Variants in TMEM131 observed in about 807,000 individuals in gnomAD.
TMEM131 encodes the protein transmembrane protein 131.
Under a neutral mutation model 211.6 loss-of-function variants are expected in TMEM131, and 66 were observed. The observed-to-expected ratio is 0.31, with a 90% CI of 0.26 to 0.38. The LOEUF (loss-of-function observed/expected upper bound fraction) is 0.38, where lower values mean the gene tolerates loss of function less well. Among genes scored for constraint, TMEM131 ranks in the 10% least tolerant of loss-of-function variants. The pLI is 1.00. For synonymous variants in TMEM131, 844 were observed against 841.3 expected (o/e 1.00, Z -0.06); for missense variants, 2,036 against 2,299.3 (o/e 0.89, Z 2.34).
chr2:97,880,972 C>T (rs1300842756), intron 4 of TMEM131, among the ~76,000 whole-genome samples: 3 of 152,140 alleles, frequency 2.0e-5, no homozygotes, highest in Non-Finnish European at 4.4e-5. Flanking sequence ...GTGCCAGGTG[C>T]CATGCACTCT....
At chr2:97,827,354 CG>C in intron 11 of TMEM131, 1 of 836,576 alleles carries the variant, frequency 1.2e-6, no homozygotes, top group East Asian at 2.4e-5. Context: ...GAAGCAAAGC[CG>C]AAAAAGGCAG....
intron 11 of TMEM131, among the ~76,000 whole-genome samples, chr2:97,822,560 C>A (rs1010647321): frequency 6.6e-6 from 1 of 152,102 alleles, no homozygotes; most frequent in Non-Finnish European, 1.5e-5. Context: ...TCGGTAAGGG[C>A]CACTAAATCT....
At chr2:97,803,006 T>C (rs984368811) in intron 22 of TMEM131, among the ~76,000 whole-genome samples, 3 of 152,236 alleles carry the variant, frequency 2.0e-5, no homozygotes, top group African/African-American at 7.2e-5. Context: ...ATCCTCTGTT[T>C]CTGTACTGAA....
intron 1 of TMEM131, among the ~76,000 whole-genome samples, chr2:97,990,876 C>T (rs1322670349): frequency 6.6e-6 from 1 of 152,118 alleles, no homozygotes; most frequent in Non-Finnish European, 1.5e-5. Flanking sequence ...AAAATTTGTG[C>T]ATGAAACTAT....
intron 3 of TMEM131, among the ~76,000 whole-genome samples, chr2:97,888,930 CTACTT>C (rs1270980916): frequency 2.0e-5 from 3 of 152,076 alleles, no homozygotes; most frequent in Non-Finnish European, 2.9e-5. Flanking sequence ...TTTTGTGAGA[CTACTT>C]TATTTCCATC....
At chr2:97,975,682 C>A (rs1573639984) in intron 1 of TMEM131, among the ~76,000 whole-genome samples, 1 of 151,894 alleles carries the variant, frequency 6.6e-6, no homozygotes, top group African/African-American at 2.4e-5. Flanking sequence ...GTAATTCTTA[C>A]CACATATTTA....
At chr2:97,821,986 G>A (rs116494940) in intron 11 of TMEM131, among the ~76,000 whole-genome samples, 17 of 152,206 alleles carry the variant, frequency 1.1e-4, no homozygotes, top group South Asian at 2.1e-4. Flanking sequence ...GGCCATGAGC[G>A]GAATTCTCAA....
chr2:97,882,652 G>T (rs771031366), intron 4 of TMEM131, among the ~76,000 whole-genome samples: 3 of 152,172 alleles, frequency 2.0e-5, no homozygotes, highest in Non-Finnish European at 4.4e-5. Flanking sequence ...GGCCCTGTGG[G>T]CTTTGAGCTT....
At chr2:97,961,091 T>TC (rs1559476591) in intron 1 of TMEM131, among the ~76,000 whole-genome samples, 1 of 150,658 alleles carries the variant, frequency 6.6e-6, no homozygotes, top group Non-Finnish European at 1.5e-5. Context: ...ACTGAATGTT[T>TC]CCCCCCAAAA....
chr2:97,758,562 T>C (rs1303508823), intron 40 of TMEM131, among the ~76,000 whole-genome samples: 1 of 152,210 alleles, frequency 6.6e-6, no homozygotes. Context: ...GAACCTGCCA[T>C]AGGCCTATGG....
At chr2:97,827,994 C>T (rs570071757) in intron 11 of TMEM131, among the ~76,000 whole-genome samples, 9 of 152,268 alleles carry the variant, frequency 5.9e-5, no homozygotes, top group African/African-American at 2.2e-4. Flanking sequence ...TTGATCATGG[C>T]TCTCTCTGCC....
chr2:97,796,062 C>T (rs1680745191), intron 28 of TMEM131, among the ~76,000 whole-genome samples, 156 bp downstream of exon 28: 1 of 151,442 alleles, frequency 6.6e-6, no homozygotes, highest in African/African-American at 2.4e-5. Flanking sequence ...ACTTTGAAAA[C>T]TAAGATATGA....
chr2:97,757,918 G>A (rs1678587622), intron 40 of TMEM131, among the ~76,000 whole-genome samples: 1 of 152,184 alleles, frequency 6.6e-6, no homozygotes, highest in South Asian at 2.1e-4. Context: ...GGATCACGAG[G>A]TCAGGAGATC....
chr2:97,881,184 T>C (rs551584568), intron 4 of TMEM131, among the ~76,000 whole-genome samples: 83 of 152,178 alleles, frequency 5.5e-4, no homozygotes, highest in African/African-American at 1.9e-3. Context: ...CGCAGTATCC[T>C]AGGCACTGCA....
intron 4 of TMEM131, 94 bp downstream of exon 4, chr2:97,887,958 C>G: frequency 1.0e-6 from 1 of 972,412 alleles, no homozygotes; most frequent in South Asian, 1.6e-5. Context: ...AACTTTCCCA[C>G]ATAGATGTAA....
At chr2:97,876,646 C>G (rs999806299) in intron 4 of TMEM131, among the ~76,000 whole-genome samples, 2 of 152,204 alleles carry the variant, frequency 1.3e-5, no homozygotes, top group Non-Finnish European at 2.9e-5. Context: ...CAACAAAATT[C>G]AACACTCCTT....
intron 1 of TMEM131, among the ~76,000 whole-genome samples, chr2:97,932,254 T>C (rs943064766): frequency 2.0e-5 from 3 of 152,128 alleles, no homozygotes; most frequent in Non-Finnish European, 2.9e-5. Flanking sequence ...AAGGGCTCAA[T>C]AGCAATTTTA....
chr2:97,838,426 CTTTTTTTTTTTTTTTTTTTTTTTTTT>C (rs753635047), intron 7 of TMEM131, among the ~76,000 whole-genome samples: 1 of 89,084 alleles, frequency 1.1e-5, no homozygotes, highest in African/African-American at 4.3e-5. Flanking sequence ...TAAGCTTAAA[CTTTTTTTTTTTTTTTTTTTTTTTTTT>C]TTTTTTTTTT....
chr2:97,774,806 T>C (rs1185533731), intron 32 of TMEM131, among the ~76,000 whole-genome samples: 2 of 152,212 alleles, frequency 1.3e-5, no homozygotes, highest in African/African-American at 4.8e-5. Context: ...GGGCTTTCTG[T>C]TTCTCTGAAG....
Sources: gnomAD v4.1 joint callset for allele counts (sites outside exome capture counted in the v4.1 genomes callset) on GRCh38, gnomAD v4.1.1 for gene constraint, MANE v1.5 for transcripts, NCBI Gene and HGNC (gene_info 2026-07-23, HGNC 2026-07-21) for gene names.